The following DEAF1 variants were observed in gnomAD, a reference collection of about 807,000 sequenced individuals.
DEAF1 encodes deformed epidermal autoregulatory factor 1 homolog.
In DEAF1, 53 loss-of-function variants were observed where a neutral mutation model predicts 58.9. That is an observed-to-expected ratio of 0.90 (90% confidence interval 0.72 to 1.13). The LOEUF (loss-of-function observed/expected upper bound fraction) is 1.13, where lower values mean the gene tolerates loss of function less well. DEAF1 is among the 50% of genes most tolerant of loss of function. The pLI, the probability that DEAF1 is intolerant of heterozygous loss-of-function variation, is 0.00. For synonymous variants in DEAF1, 385 were observed against 340.4 expected, an observed-to-expected ratio of 1.13 and a Z score of -1.44; for missense variants, 685 against 791.4, an observed-to-expected ratio of 0.87 and a Z score of 1.61.
upstream of DEAF1, among the ~76,000 whole-genome samples, chr11:696,636 C>CT (rs1861179389): frequency 6.2e-5 from 2 of 32,398 alleles, no homozygotes; most frequent in Admixed American, 3.8e-4. Flanking sequence ...GGCGGTGGCG[C>CT]ACCCCTGTGG....
chr11:679,971 C>T (rs1860274940), intron 7 of DEAF1, 155 bp from the exon 8 acceptor site: 4 of 1,076,746 alleles, frequency 3.7e-6, no homozygotes, highest in Non-Finnish European at 5.4e-6. Flanking sequence ...CGGGGGAAAT[C>T]CCAGACCTTG....
intron 1 of DEAF1, chr11:704,046 T>C (rs768793881): frequency 3.4e-6 from 4 of 1,169,948 alleles, no homozygotes; most frequent in Non-Finnish European, 4.2e-6. Context: ...GTGTTTTCTA[T>C]GTTTGGAATA....
intron 11 of DEAF1, among the ~76,000 whole-genome samples, chr11:652,366 C>T (rs113725862): frequency 7.7e-4 from 118 of 152,266 alleles, no homozygotes; most frequent in South Asian, 3.3e-3. Context: ...GGCTGGGTGC[C>T]GTGGCTCACA....
chr11:644,527 C>T lies in DEAF1; in HGVS notation c.*23G>A, dbSNP rs1404161672. 4.4e-6 allele frequency: 7 copies of T among 1,604,048 alleles called. No individual in the cohort carries two copies. Among genetic ancestry groups the T allele is most frequent in the Non-Finnish European group, 6.0e-6 (7 of 1,174,804 alleles). On this transcript the variant is annotated 3_prime_UTR_variant, in exon 12 of 12. Transcript: ENST00000382409. This position sits in a 1 kb window ranked among gnomAD's most constrained non-coding sequence, Gnocchi z 4.3. ...CTCACAGGAGTGCGAGGGGCCCCAG[C>T]TCCCAGGGCGGCCGATGGAGCCTCA...
At chr11:662,509 C>T (rs911741245) in intron 10 of DEAF1, among the ~76,000 whole-genome samples, 1 of 152,160 alleles carries the variant, frequency 6.6e-6, no homozygotes, top group Non-Finnish European at 1.5e-5. Context: ...CACCTTCCTC[C>T]CCTCGCCGAC....
intron 1 of DEAF1, chr11:704,626 A>T: frequency 7.8e-7 from 1 of 1,289,234 alleles, no homozygotes. Flanking sequence ...GAAGCTGGAG[A>T]CCTGTTGCCT....
At chr11:672,843 G>T (rs574897524) in intron 10 of DEAF1, among the ~76,000 whole-genome samples, 20 of 151,404 alleles carry the variant, frequency 1.3e-4, no homozygotes, top group African/African-American at 4.6e-4. Context: ...GCAAGACTCC[G>T]TCTCAAAAAA....
chr11:674,926 T>C, intron 9 of DEAF1, 143 bp from the exon 10 acceptor site: 2 of 1,059,262 alleles, frequency 1.9e-6, no homozygotes, highest in Admixed American at 2.1e-5. Context: ...AGGCGGATCA[T>C]GAGGTCAGGA....
rs72844742 is a variant in DEAF1 at position 658,960 on chromosome 11, G to T, written c.1504-4909C>A. On this transcript the variant is annotated intron_variant, in intron 10 of 11. Coordinates refer to ENST00000382409, the MANE Select transcript of DEAF1 (RefSeq NM_021008.4). ...AATTAGACAAATTACAGATAACAAA[G>T]CCACTCCTTCAGAAACAGCCAACCA... Among the ~76,000 whole-genome samples, 102 of 152,286 alleles carry T rather than the reference G, an allele frequency of 6.7e-4. 2 individuals are homozygous for T. Among genetic ancestry groups the T allele is most frequent in the Non-Finnish European group, 1.2e-3 (82 of 68,028 alleles).
chr11:686,307 A>AC, intron 5 of DEAF1, among the ~76,000 whole-genome samples: 1 of 145,516 alleles, frequency 6.9e-6, no homozygotes, highest in Non-Finnish European at 1.5e-5. Flanking sequence ...AAAAAAAAAA[A>AC]AACCACAAAA....
At chr11:684,700 G>A (rs1860513870) in intron 6 of DEAF1, among the ~76,000 whole-genome samples, 198 bp downstream of exon 6, 1 of 152,208 alleles carries the variant, frequency 6.6e-6, no homozygotes, top group Non-Finnish European at 1.5e-5. Flanking sequence ...CCAACCACGT[G>A]TTCCCCATCG....
chr11:665,792 C>T (rs1012274575), intron 10 of DEAF1: 1 of 152,164 alleles, frequency 6.6e-6, no homozygotes, highest in Non-Finnish European at 1.5e-5. Flanking sequence ...AGCCCCAGGC[C>T]ACCAGACATG....
rs1424609114 is a variant in DEAF1 at position 688,791 on chromosome 11, G to A, written c.388-331C>T. The stretch of plus-strand genomic sequence containing the variant: ...CACAAGGTCACCGTCTTCATGCAGA[G>A]TTTCCAACAGACCGAGTTGGCCGCC... On this transcript the variant is annotated intron_variant, in intron 2 of 11. Coordinates refer to ENST00000382409, the MANE Select transcript of DEAF1 (RefSeq NM_021008.4). This position sits in a 1 kb window ranked among gnomAD's most constrained non-coding sequence, Gnocchi z 4.3. Among the ~76,000 whole-genome samples the A allele has an allele frequency of 6.6e-6, 1 of 152,202 alleles. No individual in the cohort carries two copies. Among genetic ancestry groups the A allele is most frequent in the African/African-American group, 2.4e-5 (1 of 41,440 alleles).
Position 678,935 on chromosome 11 carries a change from C to T in DEAF1, c.1127-113G>A, listed in dbSNP as rs577890670. On this transcript the variant is annotated intron_variant, in intron 8 of 11. Transcript: ENST00000382409. ...GTACACATAGTAGCTTATGGCCACACGTGGCTACTGAGCCCCTGAAATGTG... is the reference window on the plus strand; with the variant it reads ...GTACACATAGTAGCTTATGGCCACATGTGGCTACTGAGCCCCTGAAATGTG... 54 of 1,405,084 alleles carry T rather than the reference C, an allele frequency of 3.8e-5. No homozygotes were observed. The African/African-American group carries it at 3.8e-4, about 10-fold the overall frequency. The allele number at this position is 1,405,084 out of a possible 1,614,324, so 87.0% of individuals were successfully genotyped here.
chr11:699,855 C>T (rs1861363554), upstream of DEAF1: 1 of 385,966 alleles, frequency 2.6e-6, no homozygotes, highest in Non-Finnish European at 4.7e-6. Flanking sequence ...GGAGGCTGTC[C>T]CCTGACCAGT....
chr11:702,607 A>C (rs1312421186), intron 1 of DEAF1, among the ~76,000 whole-genome samples: 1 of 152,252 alleles, frequency 6.6e-6, no homozygotes. Context: ...CTTCAGTTCC[A>C]CTTGGAATTA....
chr11:679,436 G>C lies in DEAF1; in HGVS notation c.1126+252C>G, dbSNP rs187450034. 8.4e-3 allele frequency among the ~76,000 whole-genome samples: 1,277 copies of C among 152,312 alleles called. 16 individuals carry two copies. The highest frequency in any genetic ancestry group is 0.029 in the African/African-American group (1,212 of 41,550). On this transcript the variant is annotated intron_variant, in intron 8 of 11. Transcript: ENST00000382409. Reference sequence around the variant, plus strand: ...CAACTGCAGTCAAAAGCAGGAGCCGGCAGACAGAGAGTATTTTCAGCTTTG... The same window carrying C: ...CAACTGCAGTCAAAAGCAGGAGCCGCCAGACAGAGAGTATTTTCAGCTTTG...
At chr11:670,935 T>TTTTTTTG (rs1554940514) in intron 10 of DEAF1, among the ~76,000 whole-genome samples, 1 of 137,140 alleles carries the variant, frequency 7.3e-6, no homozygotes, top group Non-Finnish European at 1.6e-5. Flanking sequence ...GCTAATGTTT[T>TTTTTTTG]TTTTTTTTTT....
chr11:700,569 T>C (rs1484646184), intron 1 of DEAF1: 1 of 1,463,850 alleles, frequency 6.8e-7, no homozygotes, highest in Non-Finnish European at 9.6e-7. Flanking sequence ...TGGCTGCTGC[T>C]GCTGTGCCAG....
Sources: allele counts gnomAD v4.1 joint callset (sites outside exome capture counted in the v4.1 genomes callset), GRCh38; gene constraint gnomAD v4.1.1; non-coding constraint Gnocchi (gnomAD v3.1); transcripts MANE v1.5; gene names NCBI Gene and HGNC (gene_info 2026-07-23, HGNC 2026-07-21).